MICU1: variants seen among roughly 807,000 people sequenced by gnomAD.
MICU1 encodes the protein calcium uptake protein 1, mitochondrial.
Under a neutral mutation model 56.8 loss-of-function variants are expected in MICU1, and 45 were observed. The observed-to-expected ratio is 0.79, with a 90% CI of 0.62 to 1.02. The LOEUF (loss-of-function observed/expected upper bound fraction) is 1.02. Ranked by LOEUF, MICU1 falls within the 50% of genes least tolerant of loss-of-function variation. MICU1 has a pLI of 0.00. For missense variants in MICU1, 504 were observed against 587.1 expected, an observed-to-expected ratio of 0.86 and a Z score of 1.46; for synonymous variants, 186 against 195.1, an observed-to-expected ratio of 0.95 and a Z score of 0.39.
At chr10:72,617,472 G>A (rs1483058421) in intron 1 of MICU1, among the ~76,000 whole-genome samples, 3 of 152,034 alleles carry the variant, frequency 2.0e-5, no homozygotes, top group Admixed American at 6.6e-5. Context: ...ATCCTTTGGG[G>A]TAAATATTAT....
intron 1 of MICU1, among the ~76,000 whole-genome samples, chr10:72,625,085 T>C (rs1398452449): frequency 2.6e-5 from 4 of 152,174 alleles, no homozygotes; most frequent in Non-Finnish European, 1.5e-5. Flanking sequence ...ATCACTTCCC[T>C]ACGTGCCCCA....
chr10:72,487,055 A>G (rs368840076), intron 6 of MICU1, among the ~76,000 whole-genome samples: 1 of 152,306 alleles, frequency 6.6e-6, no homozygotes, highest in East Asian at 1.9e-4. Flanking sequence ...CTGATGCTTT[A>G]TGAAAAGTTT....
At chr10:72,476,280 G>A (rs970313470) in intron 7 of MICU1, among the ~76,000 whole-genome samples, 2 of 151,660 alleles carry the variant, frequency 1.3e-5, no homozygotes, top group African/African-American at 2.4e-5. Flanking sequence ...ACAGGCTGGG[G>A]TGCAATGGCA....
intron 1 of MICU1, among the ~76,000 whole-genome samples, chr10:72,567,652 C>T (rs2132477638): frequency 6.6e-6 from 1 of 152,272 alleles, no homozygotes; most frequent in East Asian, 1.9e-4. Flanking sequence ...CTGACCTTCG[C>T]GATGCCAGGG....
At chr10:72,377,600 C>G (rs913809759) in intron 10 of MICU1, among the ~76,000 whole-genome samples, 1 of 152,150 alleles carries the variant, frequency 6.6e-6, no homozygotes, top group Non-Finnish European at 1.5e-5. Flanking sequence ...GAGGCAATTT[C>G]CACTGCCTTC....
At chr10:72,402,171 A>G (rs1354707782) in intron 10 of MICU1, among the ~76,000 whole-genome samples, 1 of 151,854 alleles carries the variant, frequency 6.6e-6, no homozygotes, top group African/African-American at 2.4e-5. Flanking sequence ...AAAGTGGCTG[A>G]ATGAGAAAAG....
intron 8 of MICU1, among the ~76,000 whole-genome samples, chr10:72,446,942 C>A (rs1235602040): frequency 6.6e-6 from 1 of 151,934 alleles, no homozygotes; most frequent in Non-Finnish European, 1.5e-5. Context: ...CTGTCTTCTA[C>A]AAAGACAACA....
chr10:72,512,097 G>GTTTTT (rs1867471926), intron 5 of MICU1, among the ~76,000 whole-genome samples: 7 of 100,702 alleles, frequency 7.0e-5, no homozygotes, highest in African/African-American at 2.9e-4. Context: ...TCCATACACA[G>GTTTTT]TTGTTTTTTG....
At chr10:72,599,852 T>A (rs1841478102) in intron 1 of MICU1, among the ~76,000 whole-genome samples, 1 of 152,220 alleles carries the variant, frequency 6.6e-6, no homozygotes, top group African/African-American at 2.4e-5. Flanking sequence ...AATACCCTGG[T>A]AGACTTCATT....
intron 3 of MICU1, among the ~76,000 whole-genome samples, chr10:72,558,950 C>T (rs1057254906): frequency 6.6e-6 from 1 of 152,114 alleles, no homozygotes; most frequent in Non-Finnish European, 1.5e-5. Context: ...CCCAGAAGTT[C>T]GAGACTGCGG....
chr10:72,432,217 C>G (rs1350274367), intron 8 of MICU1, among the ~76,000 whole-genome samples: 3 of 151,958 alleles, frequency 2.0e-5, no homozygotes, highest in Non-Finnish European at 4.4e-5. Flanking sequence ...CCTCAGCCCC[C>G]TGAGTAGCTA....
Position 72,508,206 on chromosome 10 carries a change from A to G in MICU1, c.601T>C (p.Cys201Arg). 6.4e-7 allele frequency: 1 copy of G among 1,553,062 alleles called. No individual in the cohort carries two copies. Among genetic ancestry groups the G allele is most frequent in the Non-Finnish European group, 8.8e-7 (1 of 1,139,532 alleles). The change falls in exon 6 of 12, where the codon TGT becomes CGT. Residue 201 changes from cysteine to arginine, a missense_variant. By Grantham distance (180) the Cys-to-Arg change is radical (BLOSUM62 -3). Transcript: ENST00000361114. ...EGSIFYTLGE[C>R]GLISFSDYIF... ...TAGTCTGAAAAGGATATGAGCCCAC[A>G]TTCTCCAAGGGTGTAAAATATACTG...
intron 3 of MICU1, among the ~76,000 whole-genome samples, chr10:72,562,145 A>ATTT (rs1840312776): frequency 7.6e-5 from 6 of 78,536 alleles, no homozygotes; most frequent in African/African-American, 2.2e-4. Context: ...ATTACATAAA[A>ATTT]TCTTTTTTTT....
chr10:72,397,798 C>A (rs899957902), intron 10 of MICU1, among the ~76,000 whole-genome samples: 1 of 152,126 alleles, frequency 6.6e-6, no homozygotes, highest in African/African-American at 2.4e-5. Context: ...CCTTAGAGAC[C>A]TACAAAGAGA....
chr10:72,485,514 C>A (rs1171200372), intron 6 of MICU1, among the ~76,000 whole-genome samples: 1 of 151,300 alleles, frequency 6.6e-6, no homozygotes, highest in Non-Finnish European at 1.5e-5. Flanking sequence ...TCCTCCCAAC[C>A]ATTCTGTGAC....
intron 3 of MICU1, among the ~76,000 whole-genome samples, chr10:72,554,659 C>A (rs1763098528): frequency 6.6e-6 from 1 of 152,128 alleles, no homozygotes; most frequent in Non-Finnish European, 1.5e-5. Flanking sequence ...ATGGTTACTA[C>A]AAAAATCATT....
intron 9 of MICU1, among the ~76,000 whole-genome samples, chr10:72,408,403 C>G (rs572834412): frequency 1.1e-4 from 17 of 152,206 alleles, no homozygotes; most frequent in Admixed American, 4.6e-4. Context: ...CCGCCTCCTA[C>G]GTTCAAGCAA....
At chr10:72,412,689 T>TA (rs1863855496) in intron 9 of MICU1, among the ~76,000 whole-genome samples, 1 of 150,766 alleles carries the variant, frequency 6.6e-6, no homozygotes, top group African/African-American at 2.4e-5. Flanking sequence ...CCGTCTCTAC[T>TA]AAAAATACAA....
chr10:72,485,899 G>GCACA (rs144168771), intron 6 of MICU1, among the ~76,000 whole-genome samples: 13 of 141,420 alleles, frequency 9.2e-5, no homozygotes, highest in South Asian at 4.4e-4. Context: ...ACACACACAC[G>GCACA]CACACACACA....
Sources: gnomAD v4.1 joint callset for allele counts (sites outside exome capture counted in the v4.1 genomes callset) on GRCh38, gnomAD v4.1.1 for gene constraint, MANE v1.5 for transcripts, NCBI Gene and HGNC (gene_info 2026-07-23, HGNC 2026-07-21) for gene names.